DNAH5: variants seen among roughly 807,000 people sequenced by gnomAD.
DNAH5 encodes dynein axonemal heavy chain 5.
In DNAH5, 372 loss-of-function variants were observed where a neutral mutation model predicts 518.2. The observed-to-expected ratio is 0.72, with a 90% confidence interval of 0.66 to 0.78. The LOEUF (loss-of-function observed/expected upper bound fraction) is 0.78, where lower values mean the gene tolerates loss of function less well. Ranked by LOEUF, DNAH5 falls within the 30% of genes least tolerant of loss-of-function variation. The pLI is 0.00. For synonymous variants in DNAH5, 2,039 were observed against 2,025.9 expected (o/e 1.01, Z -0.17); for missense variants, 5,523 against 5,687.0 (o/e 0.97, Z 0.93).
chr5:13,904,922 G>A (rs1302099661), intron 12 of DNAH5, among the ~76,000 whole-genome samples: 2 of 151,404 alleles, frequency 1.3e-5, no homozygotes, highest in Admixed American at 6.6e-5. Flanking sequence ...AAAAAGAAAA[G>A]AAAATGAAAG....
intron 41 of DNAH5, among the ~76,000 whole-genome samples, chr5:13,818,094 T>C (rs966574546): frequency 3.9e-4 from 59 of 152,310 alleles, no homozygotes; most frequent in African/African-American, 1.3e-3. Context: ...TCAGCTTTGA[T>C]TTGTGTTATG....
At chr5:13,745,081 T>C (rs957329857) in intron 65 of DNAH5, among the ~76,000 whole-genome samples, 3 of 152,090 alleles carry the variant, frequency 2.0e-5, no homozygotes, top group African/African-American at 7.2e-5. Flanking sequence ...TTCTGAACAA[T>C]GATGATCCCT....
chr5:13,693,957 CAATG>C (rs2126348821), intron 78 of DNAH5, among the ~76,000 whole-genome samples: 1 of 152,248 alleles, frequency 6.6e-6, no homozygotes, highest in African/African-American at 2.4e-5. Context: ...AAATGAATGA[CAATG>C]AATCATGCAA....
chr5:13,717,263 A>G (rs1027905118), intron 73 of DNAH5, 52 bp downstream of exon 73: 1 of 1,535,088 alleles, frequency 6.5e-7, no homozygotes, highest in Non-Finnish European at 9.0e-7. Flanking sequence ...CGTGAGCTTG[A>G]TGGCCCAAGC....
rs1770000840 is a variant in DNAH5 at position 13,870,909 on chromosome 5, T to C, written c.3692A>G (p.Asn1231Ser). The C allele has an allele frequency of 6.2e-7, 1 of 1,613,864 alleles. No individual in the cohort carries two copies. Among genetic ancestry groups the C allele is most frequent in the Non-Finnish European group, 8.5e-7 (1 of 1,179,838 alleles). ...CNKKYRSEME[N>S]IFMLIEEFNK... ...GAATTCTTCAATAAGCATAAAAATG[T>C]TTTCCATCTCACTCCGGTATTTTTT... Residue 1231 changes from asparagine (N) to serine (S), a missense_variant, in exon 24 of 79, where the codon AAC becomes AGC. Physicochemically the swap from Asn to Ser is conservative, Grantham distance 46. Transcript: ENST00000265104.
At chr5:13,778,007 G>A (rs1484056138) in intron 53 of DNAH5, among the ~76,000 whole-genome samples, 1 of 152,166 alleles carries the variant, frequency 6.6e-6, no homozygotes, top group African/African-American at 2.4e-5. Context: ...CCACTGTGGA[G>A]TGCTACATTA....
intron 1 of DNAH5, among the ~76,000 whole-genome samples, chr5:14,005,638 A>G (rs749713461): frequency 1.1e-4 from 17 of 152,244 alleles, no homozygotes; most frequent in African/African-American, 3.4e-4. Flanking sequence ...TGCACAATCG[A>G]TAAGTTTTGG....
chr5:13,952,872 T>C (rs1193708675), intron 1 of DNAH5, among the ~76,000 whole-genome samples: 1 of 152,178 alleles, frequency 6.6e-6, no homozygotes, highest in African/African-American at 2.4e-5. Flanking sequence ...AGCCTGGAAT[T>C]CCTGGGATCA....
At chr5:14,002,014 G>A (rs980473561) in intron 1 of DNAH5, among the ~76,000 whole-genome samples, 3 of 151,376 alleles carry the variant, frequency 2.0e-5, no homozygotes, top group East Asian at 2.0e-4. Flanking sequence ...TTATCCTGCC[G>A]CAGCCTCCTG....
At chr5:13,841,997 A>G (rs1765250949) in intron 32 of DNAH5, 93 bp from the exon 33 acceptor site, 1 of 790,530 alleles carries the variant, frequency 1.3e-6, no homozygotes, top group South Asian at 1.6e-5. Flanking sequence ...AAGAAAGTAA[A>G]GCTACAGATT....
chr5:14,004,546 T>C (rs1270081316), intron 1 of DNAH5, among the ~76,000 whole-genome samples: 3 of 152,216 alleles, frequency 2.0e-5, no homozygotes, highest in Non-Finnish European at 4.4e-5. Flanking sequence ...AGCAGCACAC[T>C]GTGGTGCAAA....
Position 13,862,715 on chromosome 5 carries a change from GTC to G in DNAH5, c.4627_4628del (p.Asp1543HisfsTer2), listed in dbSNP as rs764262032. 1 of 1,613,832 alleles carries G rather than the reference GTC, an allele frequency of 6.2e-7. No individual in the cohort carries two copies. The highest frequency in any genetic ancestry group is 8.5e-7 in the Non-Finnish European group (1 of 1,179,906). On this transcript the variant is annotated frameshift_variant, in exon 29 of 79. Coordinates refer to ENST00000265104, the MANE Select transcript of DNAH5 (RefSeq NM_001369.3). LOFTEE classifies it high-confidence loss of function. Reference protein sequence around the residue: ...DICISAVKERDIEQKLKQVIN... With the variant: ...DICISAVKERXIEQKLKQVIN... ...TCACTTGCTTCAGCTTTTGCTCAATGTCTCTCTCTTTCACCGCACTGATACAG... is the reference window on the plus strand; with the variant it reads ...TCACTTGCTTCAGCTTTTGCTCAATGTCTCTCTTTCACCGCACTGATACAG...
chr5:13,922,651 C>T (rs185720795), intron 4 of DNAH5, among the ~76,000 whole-genome samples: 15 of 150,964 alleles, frequency 9.9e-5, no homozygotes, highest in Admixed American at 4.6e-4. Flanking sequence ...TCGCTTGAAT[C>T]CAGGAGGCAG....
chr5:13,778,596 A>AAGAAATAAAGAAAGAAAG (rs768853052), intron 53 of DNAH5, among the ~76,000 whole-genome samples: 1 of 102,152 alleles, frequency 9.8e-6, no homozygotes, highest in Non-Finnish European at 2.0e-5. Flanking sequence ...GAAAGAAAGA[A>AAGAAATAAAGAAAGAAAG]AGAGAGAGAG....
intron 25 of DNAH5, 101 bp downstream of exon 25, chr5:13,867,673 G>A (rs1189127764): frequency 1.0e-6 from 1 of 953,060 alleles, no homozygotes; most frequent in Non-Finnish European, 1.7e-6. Context: ...GAATTCCTAG[G>A]AAGTTTCACA....
In DNAH5 at chr5:13,719,020, G is replaced by A. The variant is rs144234655; in HGVS notation, c.12361C>T (p.Leu4121Phe). ...ELMDIIIETELVHDAFRLWMT... is the reference protein window; with the variant it reads ...ELMDIIIETEFVHDAFRLWMT... ...CAGAGGCGGAACGCATCATGTACAAGCTCAGTTTCTATGATTATGTCCATC... is the reference window on the plus strand; with the variant it reads ...CAGAGGCGGAACGCATCATGTACAAACTCAGTTTCTATGATTATGTCCATC... The change falls in exon 72 of 79, where the codon CTT (leucine) becomes TTT (phenylalanine). Residue 4121 changes from leucine to phenylalanine, a missense_variant. By Grantham distance (22) the Leu-to-Phe change is conservative (BLOSUM62 0). Around this residue, in one of 3 missense-constraint regions of DNAH5, gnomAD observed 5,121 missense variants for 5,223.3 expected, o/e 0.98. Coordinates refer to ENST00000265104, the MANE Select transcript of DNAH5 (RefSeq NM_001369.3). The A allele has an allele frequency of 3.8e-5, 61 of 1,614,016 alleles. No homozygotes were observed. The highest frequency in any genetic ancestry group is 5.2e-5 in the Non-Finnish European group (61 of 1,180,002).
intron 35 of DNAH5, among the ~76,000 whole-genome samples, chr5:13,836,542 C>T (rs2151850913): frequency 6.6e-6 from 1 of 152,250 alleles, no homozygotes; most frequent in African/African-American, 2.4e-5. Context: ...ATCAACTGCT[C>T]CCATGCAGCT....
intron 53 of DNAH5, among the ~76,000 whole-genome samples, chr5:13,777,821 G>C (rs1046114618): frequency 6.6e-6 from 1 of 152,102 alleles, no homozygotes; most frequent in Non-Finnish European, 1.5e-5. Context: ...CCCCAACACC[G>C]TTATCATCAT....
intron 1 of DNAH5, among the ~76,000 whole-genome samples, chr5:13,983,245 C>T (rs1432524070): frequency 6.6e-6 from 1 of 152,150 alleles, no homozygotes; most frequent in Non-Finnish European, 1.5e-5. Flanking sequence ...CATTCCTCTT[C>T]CACTGAGCTT....
Sources: allele counts gnomAD v4.1 joint callset (sites outside exome capture counted in the v4.1 genomes callset), GRCh38; gene constraint gnomAD v4.1.1; regional missense constraint gnomAD v4.1.1; transcripts MANE v1.5; gene names NCBI Gene and HGNC (gene_info 2026-07-23, HGNC 2026-07-21).